LZTR1: variants seen among roughly 807,000 people sequenced by gnomAD.
LZTR1 encodes leucine zipper like post translational regulator 1, also known as leucine-zipper-like transcriptional regulator 1.
Under a neutral mutation model 105.7 loss-of-function variants are expected in LZTR1, and 260 were observed. The ratio of observed to expected loss-of-function variants is 2.46; its 90% CI spans 2.22 to 2.72. The LOEUF (loss-of-function observed/expected upper bound fraction) is 2.72. LZTR1 is among the 30% of genes most tolerant of loss of function. The pLI is 0.00. For synonymous variants in LZTR1, 490 were observed against 476.4 expected (o/e 1.03, Z -0.37); for missense variants, 1,214 against 1,166.9 (o/e 1.04, Z -0.59).
chr22:20,992,303 C>T lies in LZTR1; in HGVS notation c.1083C>T (p.Ser361=), dbSNP rs376591866. Residue 361 remains serine, a synonymous_variant, in exon 10 of 21, where the codon TCC becomes TCT. Coordinates refer to ENST00000646124, the MANE Select transcript of LZTR1 (RefSeq NM_006767.4). ...TYEERVGFKK[S]RDVFGLDFGT... ...AGGAGCGGGTTGGCTTCAAGAAGTC[C>T]CGAGATGTGTTTGGCCTGGACTTTG... The T allele has an allele frequency of 6.2e-7, 1 of 1,614,000 alleles. No individual in the cohort carries two copies. The highest frequency in any genetic ancestry group is 8.5e-7 in the Non-Finnish European group (1 of 1,179,960).
rs1131176 is a variant in LZTR1 at position 20,995,765 on chromosome 22, C to T, written c.1962C>T (p.Asp654=). The T allele has an allele frequency of 5.5e-3, 8,851 of 1,613,606 alleles. 419 individuals carry two copies. In the African/African-American group the frequency reaches 0.099, roughly 18 times the overall value. The change falls in exon 17 of 21, where the codon GAC becomes GAT. Residue 654 remains aspartate (D), a synonymous_variant. Coordinates refer to ENST00000646124, the MANE Select transcript of LZTR1 (RefSeq NM_006767.4). ...PVDIGTSLIQ[D]MKAYLEGAGA... is the part of the protein sequence containing the mutation. ...CCCCAGGCACATCTCTGATCCAGGACATGAAGGCATACCTGGAGGGAGCGG... is the reference window on the plus strand; with the variant it reads ...CCCCAGGCACATCTCTGATCCAGGATATGAAGGCATACCTGGAGGGAGCGG...
At chr22:20,991,850 C>T (rs2147965136) in intron 9 of LZTR1, 21 bp downstream of exon 9, 2 of 1,537,636 alleles carry the variant, frequency 1.3e-6, no homozygotes, top group East Asian at 4.9e-5. Flanking sequence ...CCAGGGGTGT[C>T]CTGACCTGCC....
chr22:20,988,870 C>T lies in LZTR1; in HGVS notation c.591C>T (p.Ala197=). The change falls in exon 6 of 21, where the codon GCC becomes GCT. Residue 197 remains alanine, a splice_region_variant and synonymous_variant. Coordinates refer to ENST00000646124, the MANE Select transcript of LZTR1 (RefSeq NM_006767.4). ...LWIFAGYDGN[A]RLNDMWTIGL... ...TCTTTGCTGGCTATGACGGCAACGC[C>T]AGGTGGGTGGTGGTCCGGCCTGTGC... The T allele has an allele frequency of 6.2e-7, 1 of 1,613,818 alleles. No homozygotes were observed. The highest frequency in any genetic ancestry group is 8.5e-7 in the Non-Finnish European group (1 of 1,179,852).
intron 10 of LZTR1, 187 bp downstream of exon 10, chr22:20,992,556 A>C: frequency 4.2e-6 from 3 of 719,854 alleles, no homozygotes; most frequent in South Asian, 3.8e-5. Flanking sequence ...TGGGTGCCAC[A>C]CACTGGCCCA....
Position 20,993,749 on chromosome 22 carries a change from G to C in LZTR1, c.1348G>C (p.Gly450Arg). 6.2e-7 allele frequency: 1 copy of C among 1,612,442 alleles called. No individual in the cohort carries two copies. Among genetic ancestry groups the C allele is most frequent in the Non-Finnish European group, 8.5e-7 (1 of 1,179,606 alleles). The change falls in exon 12 of 21, where the codon GGT becomes CGT. Residue 450 changes from glycine (G) to arginine (R), a missense_variant. Physicochemically the swap from Gly to Arg is moderately radical, Grantham distance 125. Transcript: ENST00000646124. ...RQFCDVEFVL[G>R]EKEECVQGHV... ...GTTCTGCGACGTGGAGTTCGTGCTGGGTGAGGTGGGTGCCTGTCCTCGCAC... is the reference window on the plus strand; with the variant it reads ...GTTCTGCGACGTGGAGTTCGTGCTGCGTGAGGTGGGTGCCTGTCCTCGCAC...
chr22:20,995,679 G>A (rs1924808551), intron 16 of LZTR1, 67 bp from the exon 17 acceptor site: 1 of 1,590,650 alleles, frequency 6.3e-7, no homozygotes, highest in South Asian at 1.1e-5. Flanking sequence ...ATGCAGGAAG[G>A]TAGTGCCGTG....
chr22:20,995,026 G>C lies in LZTR1; in HGVS notation c.1942G>C (p.Gly648Arg). The change falls in exon 16 of 21, where the codon GGC becomes CGC. Residue 648 changes from glycine (G) to arginine (R), a missense_variant and splice_region_variant. Gly to Arg is a moderately radical substitution (Grantham distance 125). Transcript: ENST00000646124. Reference sequence around the variant, plus strand: ...TCCCTTGGACCAGCCAGTGGACATTGGTAGGGAGCCCCGTTCCCCTTCCCT... The same window carrying C: ...TCCCTTGGACCAGCCAGTGGACATTCGTAGGGAGCCCCGTTCCCCTTCCCT... The part of the protein sequence containing the change: ...RTPLDQPVDI[G>R]TSLIQDMKAY... 6.2e-7 allele frequency: 1 copy of C among 1,605,638 alleles called. No homozygotes were observed. The highest frequency in any genetic ancestry group is 1.1e-5 in the South Asian group (1 of 90,660).
At chr22:20,994,484 T>TG in intron 14 of LZTR1, 74 bp from the exon 15 acceptor site, 1 of 1,482,928 alleles carries the variant, frequency 6.7e-7, no homozygotes, top group Non-Finnish European at 9.2e-7. Flanking sequence ...CACTCTTCCA[T>TG]GGGGGGAGCC....
At chr22:20,983,721 T>C (rs1422804992) in intron 2 of LZTR1, among the ~76,000 whole-genome samples, 6 of 152,296 alleles carry the variant, frequency 3.9e-5, no homozygotes, top group Non-Finnish European at 7.4e-5. Flanking sequence ...GTAGGCCTCC[T>C]TGGGGGGCGG....
rs1924959969 is a variant in LZTR1, at chr22:20,998,415, G to T, written c.*1067G>T. On this transcript the variant is annotated 3_prime_UTR_variant, in exon 21 of 21. Transcript: ENST00000646124. ...AGGAGGGCTGCCCTCTTGCCCTAGT[G>T]AGGGCCCCATGTGGATCCACTCTAG... The T allele has an allele frequency of 6.6e-6, 1 of 152,324 alleles. No homozygotes were observed. The highest frequency in any genetic ancestry group is 2.1e-4 in the South Asian group (1 of 4,838). 9.4% of individuals were successfully genotyped at this position (152,324 alleles called of 1,614,324 possible).
rs1310994895 is a variant in LZTR1, at chr22:20,996,734, A to G, written c.2258A>G (p.Asn753Ser). The G allele has an allele frequency of 1.2e-6, 2 of 1,613,518 alleles. No individual in the cohort carries two copies. Among genetic ancestry groups the G allele is most frequent in the Non-Finnish European group, 8.5e-7 (1 of 1,179,994 alleles). The change falls in exon 19 of 21, where the codon AAC becomes AGC. Residue 753 changes from asparagine to serine, a missense_variant. Physicochemically the swap from Asn to Ser is conservative, Grantham distance 46. Transcript: ENST00000646124. Reference protein sequence around the residue: ...FAAPYYYGFYNNRLQAYCKQN... With the variant: ...FAAPYYYGFYSNRLQAYCKQN... ...GCCCCCTACTACTACGGCTTCTACA[A>G]CAACCGGCTGCAGGCGTACTGCAAG...
At position 20,988,138 on chromosome 22, in the gene LZTR1, C is replaced by T. The variant is rs1760722148; in HGVS notation, c.509+20C>T. ...AGGACGGTGAGAAACTTTGCAGAAA[C>T]ATTTGGGACAGGCTGGGTCCTGGGT... On this transcript the variant is annotated intron_variant, in intron 5 of 20. Coordinates refer to ENST00000646124, the MANE Select transcript of LZTR1 (RefSeq NM_006767.4). 4.0e-6 allele frequency: 6 copies of T among 1,509,598 alleles called. No individual in the cohort carries two copies. The highest frequency in any genetic ancestry group is 5.5e-6 in the Non-Finnish European group (6 of 1,085,092). The allele number at this position is 1,509,598 out of a possible 1,614,324, so 93.5% of individuals were successfully genotyped here. A position where few individuals can be genotyped will look rare whatever the true frequency, so the allele number is the denominator to read the frequency against.
intron 8 of LZTR1, chr22:20,990,778 C>T: frequency 2.2e-6 from 1 of 461,070 alleles, no homozygotes; most frequent in Non-Finnish European, 3.9e-6. Flanking sequence ...TGAAGGACGT[C>T]CCCTTCCTCG....
intron 2 of LZTR1, 66 bp downstream of exon 2, chr22:20,983,155 C>T (rs1023685425): frequency 1.0e-4 from 142 of 1,376,430 alleles, no homozygotes; most frequent in Non-Finnish European, 1.4e-4. Flanking sequence ...GGGACTGGGC[C>T]TGTCCAGCTC....
At chr22:20,997,080 G>T in intron 20 of LZTR1, 114 bp downstream of exon 20, 1 of 1,218,534 alleles carries the variant, frequency 8.2e-7, no homozygotes, top group East Asian at 2.4e-5. Context: ...CTGGGGGTGA[G>T]AGAAGCAGAG....
chr22:20,985,997 G>T, intron 3 of LZTR1, 100 bp downstream of exon 3: 1 of 1,295,572 alleles, frequency 7.7e-7, no homozygotes, highest in Non-Finnish European at 1.1e-6. Context: ...ATCATGGGAA[G>T]CTAGAAAGAA....
chr22:20,994,640 C>T lies in LZTR1; in HGVS notation c.1698C>T (p.Cys566=), dbSNP rs1389123610. The T allele has an allele frequency of 6.2e-7, 1 of 1,612,828 alleles. No individual in the cohort carries two copies. Among genetic ancestry groups the T allele is most frequent in the Non-Finnish European group, 8.5e-7 (1 of 1,179,816 alleles). Residue 566 remains cysteine, a synonymous_variant, in exon 15 of 21, where the codon TGC becomes TGT. Coordinates refer to ENST00000646124, the MANE Select transcript of LZTR1 (RefSeq NM_006767.4). ...SFQLCRLEQL[C]RQYIEASVDL... ...AGTTGTGCCGCCTGGAGCAGCTGTG[C>T]CGCCAGTACATCGAGGCCTCCGTGG...
chr22:20,987,013 G>A (rs1924410765), intron 3 of LZTR1: 1 of 152,500 alleles, frequency 6.6e-6, no homozygotes, highest in Non-Finnish European at 1.5e-5. Flanking sequence ...ATTTGCATGA[G>A]CTTTAGTGCC....
chr22:20,988,600 C>T (rs1924486875), intron 5 of LZTR1, among the ~76,000 whole-genome samples, 189 bp from the exon 6 acceptor site: 1 of 152,208 alleles, frequency 6.6e-6, no homozygotes, highest in Admixed American at 6.5e-5. Context: ...CTGAATTCCT[C>T]TTCAAGCCAC....
Sources: gnomAD v4.1 joint callset for allele counts (sites outside exome capture counted in the v4.1 genomes callset) on GRCh38, gnomAD v4.1.1 for gene constraint, MANE v1.5 for transcripts, NCBI Gene and HGNC (gene_info 2026-07-23, HGNC 2026-07-21) for gene names.